The following VAV3 variants were observed in gnomAD, a reference collection of about 807,000 sequenced individuals.
VAV3 encodes the protein guanine nucleotide exchange factor VAV3.
In VAV3, 94 loss-of-function variants were observed where a neutral mutation model predicts 131.2. That is an observed-to-expected ratio of 0.72 (90% CI 0.61 to 0.85). The LOEUF (loss-of-function observed/expected upper bound fraction) is 0.85. Among genes scored for constraint, VAV3 ranks in the 40% least tolerant of loss-of-function variants. VAV3 has a pLI of 0.00. For missense variants in VAV3, 939 were observed against 1,002.7 expected, an observed-to-expected ratio of 0.94 and a Z score of 0.86; for synonymous variants, 349 against 342.0, an observed-to-expected ratio of 1.02 and a Z score of -0.22.
At chr1:107,841,094 G>A (rs542050664) in intron 2 of VAV3, among the ~76,000 whole-genome samples, 1 of 152,188 alleles carries the variant, frequency 6.6e-6, no homozygotes, top group East Asian at 1.9e-4. Context: ...ACCACTCAGG[G>A]GAATGATGAT....
chr1:107,854,412 T>C (rs960762262), intron 2 of VAV3, among the ~76,000 whole-genome samples: 4 of 152,190 alleles, frequency 2.6e-5, no homozygotes, highest in African/African-American at 9.7e-5. Context: ...TTGCTGAAGA[T>C]CTTCACCTTA....
intron 2 of VAV3, among the ~76,000 whole-genome samples, chr1:107,811,500 C>A (rs1570985965): frequency 6.6e-6 from 1 of 152,162 alleles, no homozygotes; most frequent in Admixed American, 6.5e-5. Flanking sequence ...GTAATGCTTA[C>A]CAAAACTGGC....
At position 107,951,099 on chromosome 1, in the gene VAV3, G is replaced by C. The variant is rs1052691295; in HGVS notation, c.204+13567C>G. On this transcript the variant is annotated intron_variant, in intron 1 of 26. Transcript: ENST00000370056. ...AATTTCCAGTACTAATGTTATTAAG[G>C]GTCCTACATCATCGTTCAGAATAGA... 2.8e-5 allele frequency among the ~76,000 whole-genome samples: 4 copies of C among 140,374 alleles called. No homozygotes were observed. In the South Asian group the frequency reaches 8.5e-4, roughly 30 times the overall value. 92.1% of individuals were successfully genotyped at this position (140,374 alleles called of 152,430 possible).
At chr1:107,751,738 G>C (rs1663741473) in intron 12 of VAV3, among the ~76,000 whole-genome samples, 1 of 152,116 alleles carries the variant, frequency 6.6e-6, no homozygotes, top group South Asian at 2.1e-4. Context: ...AGGACCTCAA[G>C]GACGAAAAGC....
intron 1 of VAV3, among the ~76,000 whole-genome samples, chr1:107,931,155 AC>A (rs1673419724): frequency 6.6e-6 from 1 of 152,182 alleles, no homozygotes; most frequent in Admixed American, 6.5e-5. Flanking sequence ...ACATTTTGAG[AC>A]AATCTAAGAA....
chr1:107,938,932 C>T (rs1381796776), intron 1 of VAV3, among the ~76,000 whole-genome samples: 1 of 152,162 alleles, frequency 6.6e-6, no homozygotes, highest in Non-Finnish European at 1.5e-5. Context: ...CTCAGGTGGC[C>T]AGCTGTTCAA....
intron 19 of VAV3, among the ~76,000 whole-genome samples, chr1:107,673,144 T>A (rs1366630677): frequency 1.3e-5 from 2 of 152,212 alleles, no homozygotes; most frequent in Non-Finnish European, 2.9e-5. Flanking sequence ...CAACAATAAA[T>A]TATACTAAAA....
intron 15 of VAV3, among the ~76,000 whole-genome samples, chr1:107,743,241 G>A (rs919674751): frequency 7.2e-5 from 11 of 152,142 alleles, no homozygotes; most frequent in Admixed American, 5.9e-4. Context: ...TCACTCTGAT[G>A]CTTGTGAAGA....
chr1:107,896,451 T>C (rs1028420963), intron 1 of VAV3, among the ~76,000 whole-genome samples: 4 of 152,230 alleles, frequency 2.6e-5, no homozygotes, highest in Non-Finnish European at 4.4e-5. Flanking sequence ...TCTGTATTTA[T>C]TGTACTGTTA....
At chr1:107,736,202 G>A (rs558735808) in intron 15 of VAV3, among the ~76,000 whole-genome samples, 9 of 151,998 alleles carry the variant, frequency 5.9e-5, no homozygotes, top group Non-Finnish European at 7.4e-5. Flanking sequence ...CTGATGGAAC[G>A]TATCTCAAAA....
intron 19 of VAV3, among the ~76,000 whole-genome samples, chr1:107,665,495 G>C (rs970242436): frequency 8.6e-5 from 13 of 152,042 alleles, no homozygotes; most frequent in African/African-American, 3.1e-4. Context: ...TTGTGTGAAG[G>C]GTTCTGCACT....
chr1:107,582,885 G>A (rs1056595558), intron 25 of VAV3, among the ~76,000 whole-genome samples: 1 of 152,090 alleles, frequency 6.6e-6, no homozygotes, highest in Non-Finnish European at 1.5e-5. Context: ...GTGTGCATGT[G>A]TCTTTATAGC....
At chr1:107,962,905 T>C (rs2101418737) in intron 1 of VAV3, among the ~76,000 whole-genome samples, 1 of 152,348 alleles carries the variant, frequency 6.6e-6, no homozygotes, top group South Asian at 2.1e-4. Flanking sequence ...AGTATCCTGG[T>C]GTGCTCATTT....
intron 25 of VAV3, among the ~76,000 whole-genome samples, chr1:107,575,030 T>TGTG (rs1193462733): frequency 1.6e-5 from 2 of 126,020 alleles, no homozygotes; most frequent in Admixed American, 8.7e-5. Context: ...CGCGCGCGTG[T>TGTG]TTAATATTCG....
At chr1:107,607,575 C>T (rs12137343) in intron 22 of VAV3, among the ~76,000 whole-genome samples, 4,820 of 152,200 alleles carry the variant, frequency 0.032, 112 homozygotes, top group East Asian at 0.064. Flanking sequence ...TACCTTCTAA[C>T]TCCAGTGTCT....
intron 1 of VAV3, among the ~76,000 whole-genome samples, chr1:107,960,218 A>C (rs1422558245): frequency 6.6e-6 from 1 of 152,158 alleles, no homozygotes; most frequent in Non-Finnish European, 1.5e-5. Context: ...CTGTAATCCT[A>C]ACACTTTGGG....
chr1:107,704,719 G>A lies in VAV3; in HGVS notation c.1605-69C>T. The A allele has an allele frequency of 1.5e-5, 20 of 1,310,730 alleles. No homozygotes were observed. In the Admixed American group the frequency reaches 1.6e-4, roughly 11 times the overall value. 81.2% of individuals were successfully genotyped at this position (1,310,730 alleles called of 1,614,324 possible). ...TTCTGCCCATATGAAATTACTGCAA[G>A]AAGAAGAAAAAAAGTATCAACAGTG... On this transcript the variant is annotated intron_variant, in intron 16 of 26. Coordinates refer to ENST00000370056, the MANE Select transcript of VAV3 (RefSeq NM_006113.5).
rs74926667 is a variant in VAV3, at chr1:107,828,224, A to G, written c.321+46677T>C. 2.0e-4 allele frequency among the ~76,000 whole-genome samples: 31 copies of G among 152,282 alleles called. 1 individual carries two copies. The highest frequency in any genetic ancestry group is 7.8e-4 in the Admixed American group (12 of 15,292). ...CTCTCTTTACCTGTTCTTGCGTTAA[A>G]TATCGAGGAAGAAGAGTCAAGTTGT... On this transcript the variant is annotated intron_variant, in intron 2 of 26. Coordinates refer to ENST00000370056, the MANE Select transcript of VAV3 (RefSeq NM_006113.5).
intron 20 of VAV3, among the ~76,000 whole-genome samples, chr1:107,625,062 C>T (rs1653910484): frequency 6.6e-6 from 1 of 152,088 alleles, no homozygotes; most frequent in Non-Finnish European, 1.5e-5. Flanking sequence ...TTCTTGGCTT[C>T]ATTATCCTCA....
Sources: allele counts gnomAD v4.1 joint callset (sites outside exome capture counted in the v4.1 genomes callset), GRCh38; gene constraint gnomAD v4.1.1; transcripts MANE v1.5; gene names NCBI Gene and HGNC (gene_info 2026-07-23, HGNC 2026-07-21).